The following CDC42BPA variants were observed in gnomAD, a reference collection of about 807,000 sequenced individuals.
The protein encoded by CDC42BPA is CDC42 binding protein kinase alpha.
In CDC42BPA, 80 loss-of-function variants were observed where a neutral mutation model predicts 223.5. That is an observed-to-expected ratio of 0.36 (90% CI 0.30 to 0.43). CDC42BPA has a LOEUF of 0.43. Among genes scored for constraint, CDC42BPA ranks in the 20% least tolerant of loss-of-function variants. The pLI, the probability that CDC42BPA is intolerant of heterozygous loss-of-function variation, is 1.00. For synonymous variants in CDC42BPA, 694 were observed against 718.6 expected, an observed-to-expected ratio of 0.97 and a Z score of 0.55; for missense variants, 1,743 against 2,099.9, an observed-to-expected ratio of 0.83 and a Z score of 3.32.
intron 5 of CDC42BPA, among the ~76,000 whole-genome samples, chr1:227,178,893 TA>T (rs1477586994): frequency 1.3e-5 from 2 of 152,220 alleles, no homozygotes; most frequent in African/African-American, 4.8e-5. Flanking sequence ...ATAGACTGAG[TA>T]ATTTTGGACT....
chr1:227,220,544 G>A (rs947843265), intron 2 of CDC42BPA, among the ~76,000 whole-genome samples: 5 of 151,672 alleles, frequency 3.3e-5, no homozygotes, highest in African/African-American at 9.7e-5. Context: ...AATGTCCTGT[G>A]CCACCCTGCC....
intron 2 of CDC42BPA, among the ~76,000 whole-genome samples, chr1:227,217,464 G>A (rs557988381): frequency 6.7e-6 from 1 of 150,070 alleles, no homozygotes; most frequent in South Asian, 2.1e-4. Flanking sequence ...AAAAAGAAAA[G>A]AAAAAAAAGA....
intron 24 of CDC42BPA, among the ~76,000 whole-genome samples, chr1:227,038,991 A>G (rs910130967): frequency 5.3e-5 from 8 of 152,218 alleles, no homozygotes; most frequent in Non-Finnish European, 1.2e-4. Flanking sequence ...TTTAGCAGAA[A>G]AACGCCTGGG....
intron 6 of CDC42BPA, among the ~76,000 whole-genome samples, chr1:227,153,687 G>A (rs1367130228): frequency 1.3e-5 from 2 of 151,842 alleles, no homozygotes; most frequent in Non-Finnish European, 2.9e-5. Context: ...TAAAACTCAG[G>A]AAGAAAGAGA....
At chr1:227,079,845 T>C (rs761124998) in intron 17 of CDC42BPA, among the ~76,000 whole-genome samples, 2 of 150,984 alleles carry the variant, frequency 1.3e-5, no homozygotes, top group Admixed American at 6.7e-5. Flanking sequence ...AGACCAAAAG[T>C]ATTTTGGATT....
At chr1:227,022,633 T>G (rs1377666400) in intron 32 of CDC42BPA, among the ~76,000 whole-genome samples, 2 of 152,222 alleles carry the variant, frequency 1.3e-5, no homozygotes, top group Non-Finnish European at 2.9e-5. Context: ...TTGGACACCC[T>G]GACAGGCAAA....
intron 1 of CDC42BPA, among the ~76,000 whole-genome samples, chr1:227,301,130 A>G (rs1691551992): frequency 6.6e-6 from 1 of 152,214 alleles, no homozygotes; most frequent in Admixed American, 6.5e-5. Flanking sequence ...TTTTTTAGGA[A>G]TCAACTAAAC....
chr1:227,136,717 GTTA>G (rs969616900), intron 10 of CDC42BPA, among the ~76,000 whole-genome samples: 40 of 152,312 alleles, frequency 2.6e-4, no homozygotes, highest in Admixed American at 1.9e-3. Flanking sequence ...TATTATGGAA[GTTA>G]TTATAGAAAA....
At chr1:227,135,647 G>A (rs1658336574) in intron 10 of CDC42BPA, among the ~76,000 whole-genome samples, 2 of 152,018 alleles carry the variant, frequency 1.3e-5, no homozygotes, top group African/African-American at 4.8e-5. Flanking sequence ...GAGGTCAGGA[G>A]ATCGAGACTA....
At chr1:227,218,206 G>A (rs559708111) in intron 2 of CDC42BPA, among the ~76,000 whole-genome samples, 4 of 152,088 alleles carry the variant, frequency 2.6e-5, no homozygotes, top group Non-Finnish European at 4.4e-5. Context: ...TATGACAAAA[G>A]AGATACAACT....
At position 227,130,162 on chromosome 1, in the gene CDC42BPA, C is replaced by T. The variant is rs529136805; in HGVS notation, c.1391-931G>A. ...CATTTTACATCAGAAATGAAATTGC[C>T]CTTTGTTCTAAAATAGGTATTCTGC... On this transcript the variant is annotated intron_variant, in intron 10 of 36. Transcript: ENST00000366766. Among the ~76,000 whole-genome samples the T allele has an allele frequency of 6.6e-5, 10 of 152,054 alleles. No homozygotes were observed. In the East Asian group the frequency reaches 1.9e-3, roughly 29 times the overall value.
intron 35 of CDC42BPA, among the ~76,000 whole-genome samples, chr1:226,996,426 C>T (rs1207192791): frequency 1.3e-5 from 2 of 152,320 alleles, no homozygotes; most frequent in Non-Finnish European, 2.9e-5. Flanking sequence ...GACAATTTGA[C>T]TTCCTCTCTT....
intron 5 of CDC42BPA, among the ~76,000 whole-genome samples, chr1:227,178,615 C>T (rs577799582): frequency 6.6e-6 from 1 of 152,300 alleles, no homozygotes; most frequent in South Asian, 2.1e-4. Flanking sequence ...CCTGACTCAG[C>T]CTCCTGGGTA....
chr1:227,101,100 T>G lies in CDC42BPA; in HGVS notation c.2141A>C (p.Glu714Ala). Residue 714 changes from glutamate (E) to alanine (A), a missense_variant, in exon 15 of 37, where the codon GAA becomes GCA. Around this residue, in one of 6 missense-constraint regions of CDC42BPA, gnomAD observed 464 missense variants for 488.0 expected, o/e 0.95. Transcript: ENST00000366766. ...LSKREGIHANEIKNLKKELHD... is the reference protein window; with the variant it reads ...LSKREGIHANAIKNLKKELHD... ...CAGTTCTTTCTTAAGATTTTTTATT[T>G]CATTTGCATGTATTCCTTCTCTTTT... is the stretch of plus-strand genomic sequence containing the variant. 1.9e-6 allele frequency: 3 copies of G among 1,572,862 alleles called. No homozygotes were observed. Among genetic ancestry groups the G allele is most frequent in the Non-Finnish European group, 2.6e-6 (3 of 1,143,108 alleles).
At chr1:227,233,137 C>A (rs573176572) in intron 2 of CDC42BPA, among the ~76,000 whole-genome samples, 10 of 152,228 alleles carry the variant, frequency 6.6e-5, no homozygotes, top group African/African-American at 1.4e-4. Flanking sequence ...GCGTCACTCA[C>A]GCTGGGAGCT....
chr1:227,290,259 C>T (rs1005866006), intron 1 of CDC42BPA, among the ~76,000 whole-genome samples: 3 of 152,138 alleles, frequency 2.0e-5, no homozygotes, highest in African/African-American at 4.8e-5. Context: ...AACATTAATT[C>T]CTTAAGAGTA....
At chr1:227,205,894 C>T (rs1184407005) in intron 3 of CDC42BPA, among the ~76,000 whole-genome samples, 1 of 151,942 alleles carries the variant, frequency 6.6e-6, no homozygotes, top group Non-Finnish European at 1.5e-5. Flanking sequence ...AAAGAAAATA[C>T]AAAAATTAGC....
intron 15 of CDC42BPA, 93 bp from the exon 16 acceptor site, chr1:227,092,084 A>G: frequency 3.0e-6 from 2 of 665,932 alleles, no homozygotes; most frequent in Non-Finnish European, 5.1e-6. Context: ...AAAACACAAA[A>G]TATCAGATTG....
intron 3 of CDC42BPA, among the ~76,000 whole-genome samples, chr1:227,206,852 T>C (rs1460945788): frequency 6.6e-6 from 1 of 152,202 alleles, no homozygotes; most frequent in Non-Finnish European, 1.5e-5. Flanking sequence ...TTTAACATAT[T>C]GCTAAATTGT....
Sources: gnomAD v4.1 joint callset for allele counts (sites outside exome capture counted in the v4.1 genomes callset) on GRCh38, gnomAD v4.1.1 for gene constraint, gnomAD v4.1.1 regional missense constraint, MANE v1.5 for transcripts, NCBI Gene and HGNC (gene_info 2026-07-23, HGNC 2026-07-21) for gene names.